VPS50: variants seen among roughly 807,000 people sequenced by gnomAD.
VPS50 encodes the protein syndetin.
VPS50 carries 70 observed loss-of-function variants against 139.7 expected under a neutral mutation model. The observed-to-expected ratio is 0.50, with a 90% CI of 0.41 to 0.61. VPS50 has a LOEUF of 0.61. VPS50 is among the 20% of genes least tolerant of loss of function. VPS50 has a pLI of 0.00. For missense variants in VPS50, 921 were observed against 1,133.7 expected, an observed-to-expected ratio of 0.81 and a Z score of 2.69; for synonymous variants, 365 against 376.7, an observed-to-expected ratio of 0.97 and a Z score of 0.36.
intron 23 of VPS50, among the ~76,000 whole-genome samples, chr7:93,345,367 C>A (rs1798360471): frequency 6.6e-6 from 1 of 152,076 alleles, no homozygotes; most frequent in Non-Finnish European, 1.5e-5. Flanking sequence ...AGTCCAGGAC[C>A]AGATGGATTC....
At chr7:93,253,833 T>G (rs760130090) in intron 3 of VPS50, 27 bp from the exon 4 acceptor site, 1 of 1,355,328 alleles carries the variant, frequency 7.4e-7, no homozygotes, top group Non-Finnish European at 1.1e-6. Context: ...TATTTTTTCC[T>G]CTTCTTTCAT....
At chr7:93,347,654 T>G (rs1344662660) in intron 23 of VPS50, among the ~76,000 whole-genome samples, 1 of 147,298 alleles carries the variant, frequency 6.8e-6, no homozygotes, top group Non-Finnish European at 1.5e-5. Flanking sequence ...CCATAAAAAA[T>G]GATGAGTTCA....
chr7:93,256,832 C>G (rs1181956137), intron 5 of VPS50, among the ~76,000 whole-genome samples: 2 of 152,022 alleles, frequency 1.3e-5, no homozygotes, highest in Non-Finnish European at 2.9e-5. Flanking sequence ...GAAAATTGCT[C>G]CCATTAACAT....
At chr7:93,285,378 C>T (rs895882185) in intron 12 of VPS50, among the ~76,000 whole-genome samples, 3 of 152,070 alleles carry the variant, frequency 2.0e-5, no homozygotes, top group African/African-American at 7.2e-5. Flanking sequence ...AAAAGCATTA[C>T]TTTGAAATTT....
chr7:93,311,116 G>A lies in VPS50; in HGVS notation c.1749-50G>A, dbSNP rs116942756. The A allele has an allele frequency of 2.4e-3, 2,020 of 834,332 alleles. 37 individuals are homozygous for A. In the East Asian group the frequency reaches 0.043, roughly 18 times the overall value. 51.7% of individuals were successfully genotyped at this position (834,332 alleles called of 1,614,324 possible). On this transcript the variant is annotated intron_variant, in intron 19 of 27. Coordinates refer to ENST00000305866, the MANE Select transcript of VPS50 (RefSeq NM_017667.4). Reference sequence around the variant, plus strand: ...AGGGACCTATCTGACTAACTTATTGGTTTATTACTTGACAACTCTAGCAAC... The same window carrying A: ...AGGGACCTATCTGACTAACTTATTGATTTATTACTTGACAACTCTAGCAAC...
intron 20 of VPS50, among the ~76,000 whole-genome samples, chr7:93,312,406 A>C (rs1031966982): frequency 2.9e-4 from 44 of 152,138 alleles, no homozygotes; most frequent in African/African-American, 9.7e-4. Context: ...AATGTCTCTC[A>C]TACATGGTAG....
chr7:93,311,394 G>A (rs1012044835), intron 20 of VPS50, 122 bp downstream of exon 20: 4 of 579,564 alleles, frequency 6.9e-6, no homozygotes. Context: ...GGGATTTAAG[G>A]TTATCATATG....
At chr7:93,341,652 TC>T in intron 23 of VPS50, 77 bp downstream of exon 23, 1 of 916,674 alleles carries the variant, frequency 1.1e-6, no homozygotes, top group Non-Finnish European at 1.7e-6. Context: ...TAATTAGACT[TC>T]TAGTTAGCTG....
chr7:93,268,021 A>C lies in VPS50; in HGVS notation c.660-3199A>C, dbSNP rs577832138. Among the ~76,000 whole-genome samples, 227 of 152,312 alleles carry C rather than the reference A, an allele frequency of 1.5e-3. 1 individual carries two copies. The highest frequency in any genetic ancestry group is 2.7e-3 in the Non-Finnish European group (187 of 68,022). Reference sequence around the variant, plus strand: ...TGCTTTACTTAAGAGCTGCGCTCAGATGTCTTTAGGGACCAGGCAGGTCAT... The same window carrying C: ...TGCTTTACTTAAGAGCTGCGCTCAGCTGTCTTTAGGGACCAGGCAGGTCAT... On this transcript the variant is annotated intron_variant, in intron 9 of 27. Transcript: ENST00000305866.
chr7:93,318,706 T>C (rs1469898067), intron 20 of VPS50, among the ~76,000 whole-genome samples: 2 of 152,134 alleles, frequency 1.3e-5, no homozygotes, highest in East Asian at 3.9e-4. Flanking sequence ...CCTTAATTTT[T>C]AAAAATCTTC....
chr7:93,276,458 T>C, intron 12 of VPS50, 153 bp downstream of exon 12: 1 of 1,265,158 alleles, frequency 7.9e-7, no homozygotes, highest in Non-Finnish European at 1.0e-6. Context: ...TTCTTTTCCT[T>C]ATAGAGAAGT....
chr7:93,324,264 T>C (rs1216838419), intron 21 of VPS50, among the ~76,000 whole-genome samples: 8 of 152,348 alleles, frequency 5.3e-5, no homozygotes, highest in African/African-American at 1.9e-4. Context: ...CTTTTCCTAA[T>C]TGAATACCCT....
rs1371331824 is a variant in VPS50 at position 93,258,284 on chromosome 7, T to C, written c.540+8T>C. The C allele has an allele frequency of 6.4e-7, 1 of 1,564,068 alleles. No homozygotes were observed. Among genetic ancestry groups the C allele is most frequent in the Non-Finnish European group, 8.8e-7 (1 of 1,135,176 alleles). ...AGAACTATAAAAACATTGGTATATA[T>C]GGGTCATTTAAAAAAATTAAAACTG... is the stretch of plus-strand genomic sequence containing the variant. On this transcript the variant is annotated splice_region_variant and intron_variant, in intron 7 of 27. Coordinates refer to ENST00000305866, the MANE Select transcript of VPS50 (RefSeq NM_017667.4).
chr7:93,290,054 G>T (rs966646081), intron 12 of VPS50, among the ~76,000 whole-genome samples: 3 of 151,888 alleles, frequency 2.0e-5, no homozygotes, highest in African/African-American at 7.2e-5. Flanking sequence ...ATAAATGAGG[G>T]TTTCTCATTC....
At chr7:93,300,512 G>C (rs1796945553) in intron 16 of VPS50, among the ~76,000 whole-genome samples, 1 of 152,144 alleles carries the variant, frequency 6.6e-6, no homozygotes, top group Non-Finnish European at 1.5e-5. Context: ...TGAACAGGTA[G>C]GATTTATTAT....
intron 9 of VPS50, among the ~76,000 whole-genome samples, chr7:93,265,867 A>G (rs1339371203): frequency 6.6e-6 from 1 of 152,090 alleles, no homozygotes; most frequent in Non-Finnish European, 1.5e-5. Context: ...GCGCCTGGGC[A>G]AGGTCAGGGA....
intron 12 of VPS50, among the ~76,000 whole-genome samples, chr7:93,284,810 C>T (rs972770569): frequency 6.6e-6 from 1 of 152,164 alleles, no homozygotes; most frequent in Admixed American, 6.5e-5. Flanking sequence ...AAGTTGGGCT[C>T]CAAGCCCAAA....
chr7:93,341,598 G>A (rs371089166), intron 23 of VPS50, 23 bp downstream of exon 23: 47 of 1,540,214 alleles, frequency 3.1e-5, no homozygotes, highest in Admixed American at 2.1e-4. Flanking sequence ...AAACAGTTGC[G>A]TTGCCATTAA....
intron 23 of VPS50, among the ~76,000 whole-genome samples, chr7:93,342,549 C>A (rs542910508): frequency 2.0e-5 from 3 of 152,220 alleles, no homozygotes. Flanking sequence ...AAAAAGACAG[C>A]AGTAACCTCT....
Sources: gnomAD v4.1 joint callset for allele counts (sites outside exome capture counted in the v4.1 genomes callset) on GRCh38, gnomAD v4.1.1 for gene constraint, MANE v1.5 for transcripts, NCBI Gene and HGNC (gene_info 2026-07-23, HGNC 2026-07-21) for gene names.